The following IPO8 variants were observed in gnomAD, a reference collection of about 807,000 sequenced individuals.
IPO8 encodes the protein importin-8.
A neutral mutation model predicts 141.2 loss-of-function variants in IPO8; 65 were observed. That is an observed-to-expected ratio of 0.46 (90% CI 0.38 to 0.57). IPO8 has a LOEUF of 0.57. IPO8 is among the 20% of genes least tolerant of loss of function. The pLI is 0.00. For synonymous variants in IPO8, 411 were observed against 420.3 expected, an observed-to-expected ratio of 0.98 and a Z score of 0.27; for missense variants, 980 against 1,246.8, an observed-to-expected ratio of 0.79 and a Z score of 3.22.
At chr12:30,651,301 T>C (rs1188822527) in intron 19 of IPO8, among the ~76,000 whole-genome samples, 1 of 152,254 alleles carries the variant, frequency 6.6e-6, no homozygotes, top group African/African-American at 2.4e-5. Flanking sequence ...CTGAAGCAGC[T>C]TACTGACTTC....
chr12:30,638,323 A>C (rs765802094), intron 21 of IPO8, among the ~76,000 whole-genome samples: 7 of 152,238 alleles, frequency 4.6e-5, no homozygotes, highest in Non-Finnish European at 7.3e-5. Context: ...TTAATAACAA[A>C]TCTCAATCAG....
At chr12:30,646,095 A>G (rs1398207203) in intron 20 of IPO8, among the ~76,000 whole-genome samples, 1 of 152,214 alleles carries the variant, frequency 6.6e-6, no homozygotes, top group African/African-American at 2.4e-5. Flanking sequence ...TTATGCACAT[A>G]GACACAAAAA....
chr12:30,654,054 T>G (rs2052764073), intron 17 of IPO8, among the ~76,000 whole-genome samples: 1 of 152,100 alleles, frequency 6.6e-6, no homozygotes, highest in South Asian at 2.1e-4. Flanking sequence ...ATCTACCCAT[T>G]TAGGGTCAAT....
At chr12:30,648,889 CTTCA>C (rs2052685237) in intron 20 of IPO8, among the ~76,000 whole-genome samples, 1 of 130,886 alleles carries the variant, frequency 7.6e-6, no homozygotes, top group Non-Finnish European at 1.6e-5. Context: ...TATACGTTTC[CTTCA>C]TTATTTTTTT....
intron 10 of IPO8, among the ~76,000 whole-genome samples, chr12:30,668,921 T>C (rs2053007539): frequency 6.6e-6 from 1 of 152,176 alleles, no homozygotes; most frequent in East Asian, 1.9e-4. Flanking sequence ...CAGATCAGCA[T>C]CGCAACAGCA....
chr12:30,643,839 C>T (rs1459721613), intron 20 of IPO8, among the ~76,000 whole-genome samples: 1 of 152,238 alleles, frequency 6.6e-6, no homozygotes, highest in Non-Finnish European at 1.5e-5. Context: ...ATTCTAAAGT[C>T]TTTGGCATGG....
At chr12:30,676,804 G>C in intron 5 of IPO8, 1 of 933,354 alleles carries the variant, frequency 1.1e-6, no homozygotes, top group Admixed American at 2.2e-5. Flanking sequence ...GTTGTTTCTT[G>C]GGTCTACTTT....
intron 10 of IPO8, among the ~76,000 whole-genome samples, chr12:30,666,550 C>G (rs2052967812): frequency 6.6e-6 from 1 of 152,124 alleles, no homozygotes; most frequent in Non-Finnish European, 1.5e-5. Context: ...TATCAAAAAA[C>G]AACAAAAATT....
chr12:30,644,689 C>T (rs2052619681), intron 20 of IPO8, among the ~76,000 whole-genome samples: 1 of 146,462 alleles, frequency 6.8e-6, no homozygotes, highest in Admixed American at 7.1e-5. Context: ...GAATTTTGCT[C>T]ATCACCCAGG....
intron 20 of IPO8, among the ~76,000 whole-genome samples, chr12:30,646,277 AG>A (rs1245622353): frequency 1.3e-5 from 2 of 152,232 alleles, no homozygotes; most frequent in East Asian, 1.9e-4. Context: ...CAATAGATGC[AG>A]AAAAAAGCAT....
At position 30,695,623 on chromosome 12, in the gene IPO8, C is replaced by T. The variant is rs200876967; in HGVS notation, c.25G>A (p.Ala9Thr). 517 of 1,614,134 alleles carry T rather than the reference C, an allele frequency of 3.2e-4. 4 individuals carry two copies. Among genetic ancestry groups the T allele is most frequent in the Non-Finnish European group, 1.7e-4 (195 of 1,179,962 alleles). MDLNRIIQ[A>T]LKGTIDPKLR... ...TTCGGGTCGATGGTGCCCTTCAGCG[C>T]CTGGATGATCCGGTTGAGGTCCATC... The change falls in exon 1 of 25, where the codon GCG becomes ACG. Residue 9 changes from alanine to threonine, a missense_variant. Around this residue, in one of 3 missense-constraint regions of IPO8, gnomAD observed 40 missense variants for 46.3 expected, o/e 0.86. Coordinates refer to ENST00000256079, the MANE Select transcript of IPO8 (RefSeq NM_006390.4). This position sits in a 1 kb window ranked among gnomAD's most constrained non-coding sequence, Gnocchi z 4.2.
intron 20 of IPO8, among the ~76,000 whole-genome samples, chr12:30,642,105 A>G (rs2052582515): frequency 1.3e-5 from 2 of 152,112 alleles, no homozygotes; most frequent in Admixed American, 1.3e-4. Context: ...CTGAGGCAGG[A>G]GAATCACTTG....
At chr12:30,639,229 T>A (rs921681593) in intron 21 of IPO8, among the ~76,000 whole-genome samples, 3 of 152,040 alleles carry the variant, frequency 2.0e-5, no homozygotes, top group African/African-American at 7.2e-5. Flanking sequence ...GACAGACAAC[T>A]AATTCTTGTT....
intron 20 of IPO8, among the ~76,000 whole-genome samples, chr12:30,643,100 G>A (rs963692401): frequency 6.6e-6 from 1 of 152,144 alleles, no homozygotes; most frequent in African/African-American, 2.4e-5. Flanking sequence ...GATAATTTAT[G>A]AGAAAACATT....
chr12:30,671,584 G>C (rs1009600485), intron 8 of IPO8, among the ~76,000 whole-genome samples: 1 of 147,488 alleles, frequency 6.8e-6, no homozygotes, highest in African/African-American at 2.5e-5. Flanking sequence ...TGAGGCAGGA[G>C]AATGGCATGA....
intron 2 of IPO8, among the ~76,000 whole-genome samples, chr12:30,689,754 G>C (rs190727720): frequency 2.0e-5 from 3 of 152,292 alleles, no homozygotes; most frequent in Non-Finnish European, 2.9e-5. Context: ...AGTGATGAAT[G>C]TTGGGTAGTT....
chr12:30,692,912 T>C (rs1860601339), intron 1 of IPO8, among the ~76,000 whole-genome samples: 1 of 152,214 alleles, frequency 6.6e-6, no homozygotes, highest in Admixed American at 6.5e-5. Flanking sequence ...TGACCTGAAA[T>C]TATATTAGTT....
At position 30,663,433 on chromosome 12, in the gene IPO8, G is replaced by A. The variant is rs371656001; in HGVS notation, c.1594+56C>T. 136 of 1,455,200 alleles carry A rather than the reference G, an allele frequency of 9.3e-5. No individual in the cohort carries two copies. In the African/African-American group the frequency reaches 1.7e-3, roughly 18 times the overall value. The allele number at this position is 1,455,200 out of a possible 1,614,324, so 90.1% of individuals were successfully genotyped here. ...AGACATGGAGATGCATCTTCATTAG[G>A]GAAGAAAGTAAATGAAATTATTTGA... On this transcript the variant is annotated intron_variant, in intron 14 of 24. Coordinates refer to ENST00000256079, the MANE Select transcript of IPO8 (RefSeq NM_006390.4).
At chr12:30,644,139 A>G (rs1249628112) in intron 20 of IPO8, among the ~76,000 whole-genome samples, 1 of 152,204 alleles carries the variant, frequency 6.6e-6, no homozygotes, top group Non-Finnish European at 1.5e-5. Flanking sequence ...AAGCTGAGGC[A>G]GGAGGATCAC....
Sources: allele counts gnomAD v4.1 joint callset (sites outside exome capture counted in the v4.1 genomes callset), GRCh38; gene constraint gnomAD v4.1.1; regional missense constraint gnomAD v4.1.1; non-coding constraint Gnocchi (gnomAD v3.1); transcripts MANE v1.5; gene names NCBI Gene and HGNC (gene_info 2026-07-23, HGNC 2026-07-21).